The following EXOC4 variants were observed in gnomAD, a reference collection of about 807,000 sequenced individuals.
EXOC4 encodes the protein SEC8-like 1.
EXOC4 carries 71 observed loss-of-function variants against 107.2 expected under a neutral mutation model. That is an observed-to-expected ratio of 0.66 (90% CI 0.55 to 0.81). The LOEUF (loss-of-function observed/expected upper bound fraction) is 0.81, where lower values mean the gene tolerates loss of function less well. Among genes scored for constraint, EXOC4 ranks in the 30% least tolerant of loss-of-function variants. The probability of loss-of-function intolerance (pLI) is 0.00; values close to 1 mark genes in which losing one functional copy is unlikely to be tolerated. For synonymous variants in EXOC4, 456 were observed against 441.2 expected (o/e 1.03, Z -0.42); for missense variants, 1,108 against 1,189.6 (o/e 0.93, Z 1.01).
intron 9 of EXOC4, among the ~76,000 whole-genome samples, chr7:133,565,142 C>T (rs1800882715): frequency 6.6e-6 from 1 of 152,148 alleles, no homozygotes; most frequent in Non-Finnish European, 1.5e-5. Context: ...TTCAGGGGAA[C>T]TGTAACCTAA....
At chr7:133,933,457 G>C (rs572716003) in intron 13 of EXOC4, among the ~76,000 whole-genome samples, 1 of 152,172 alleles carries the variant, frequency 6.6e-6, no homozygotes, top group Non-Finnish European at 1.5e-5. Context: ...GATCATCTTT[G>C]AGCAATTGCT....
chr7:133,659,000 C>CT (rs397890140), intron 10 of EXOC4, among the ~76,000 whole-genome samples: 12,490 of 40,218 alleles, frequency 0.31, 4,423 homozygotes, highest in Non-Finnish European at 0.35. Flanking sequence ...TTCAGAGAAG[C>CT]TTTTTTTTTT....
At chr7:133,764,419 T>C (rs1214284783) in intron 10 of EXOC4, among the ~76,000 whole-genome samples, 2 of 152,092 alleles carry the variant, frequency 1.3e-5, no homozygotes, top group Non-Finnish European at 2.9e-5. Context: ...TATTTTATGA[T>C]GGCGTCTCTG....
chr7:133,564,195 A>G (rs1278222967), intron 9 of EXOC4, among the ~76,000 whole-genome samples: 1 of 152,214 alleles, frequency 6.6e-6, no homozygotes, highest in Non-Finnish European at 1.5e-5. Context: ...GAAGCATAGC[A>G]GCTTCTGCTT....
At chr7:133,347,955 A>T (rs1177623894) in intron 5 of EXOC4, among the ~76,000 whole-genome samples, 1 of 152,196 alleles carries the variant, frequency 6.6e-6, no homozygotes, top group Non-Finnish European at 1.5e-5. Flanking sequence ...AAGTATTTCT[A>T]ATTTTAAAGT....
chr7:133,513,988 A>G (rs1376304778), intron 9 of EXOC4, among the ~76,000 whole-genome samples: 2 of 152,142 alleles, frequency 1.3e-5, no homozygotes, highest in African/African-American at 2.4e-5. Context: ...AGGGCGCTAT[A>G]TCATGCTTAT....
intron 7 of EXOC4, among the ~76,000 whole-genome samples, chr7:133,377,031 A>C (rs2150693381): frequency 6.6e-6 from 1 of 152,318 alleles, no homozygotes; most frequent in Admixed American, 6.5e-5. Flanking sequence ...AACCAGAATG[A>C]AAAAGTTGAT....
intron 17 of EXOC4, among the ~76,000 whole-genome samples, chr7:134,051,038 A>T (rs185959218): frequency 7.2e-4 from 109 of 152,280 alleles, no homozygotes; most frequent in African/African-American, 2.6e-3. Context: ...GGACCAAAAA[A>T]ATGAAGGAGA....
intron 5 of EXOC4, among the ~76,000 whole-genome samples, chr7:133,338,091 C>T (rs1416583686): frequency 2.7e-5 from 4 of 149,492 alleles, no homozygotes; most frequent in Admixed American, 6.6e-5. Flanking sequence ...TGTCTCATTA[C>T]TTTCTGCTTT....
intron 3 of EXOC4, among the ~76,000 whole-genome samples, chr7:133,299,547 G>T (rs1008937641): frequency 1.3e-5 from 2 of 152,132 alleles, no homozygotes; most frequent in South Asian, 4.1e-4. Context: ...TTAATAAAAT[G>T]GTATGCTTTT....
chr7:133,753,878 T>G (rs778385340), intron 10 of EXOC4, among the ~76,000 whole-genome samples: 2 of 152,272 alleles, frequency 1.3e-5, no homozygotes, highest in Non-Finnish European at 2.9e-5. Flanking sequence ...TAAGTCAAAA[T>G]GATTTGATCA....
At chr7:133,426,965 A>G (rs972211945) in intron 7 of EXOC4, among the ~76,000 whole-genome samples, 33 of 152,208 alleles carry the variant, frequency 2.2e-4, no homozygotes, top group Admixed American at 6.5e-4. Flanking sequence ...TTGGATTCAC[A>G]TTGAAAAGAT....
At chr7:133,459,270 G>A (rs1157121099) in intron 7 of EXOC4, among the ~76,000 whole-genome samples, 1 of 152,180 alleles carries the variant, frequency 6.6e-6, no homozygotes, top group Admixed American at 6.5e-5. Flanking sequence ...AGGTAGAGCT[G>A]TGGTGGTTTT....
chr7:134,066,371 G>A (rs10282224), downstream of EXOC4: 113,433 of 152,102 alleles, frequency 0.75, 42,732 homozygotes, highest in East Asian at 0.87. Flanking sequence ...AAGAAACATG[G>A]GTTTGGATTG....
At chr7:133,372,675 A>T (rs1584862611) in intron 6 of EXOC4, among the ~76,000 whole-genome samples, 2 of 152,166 alleles carry the variant, frequency 1.3e-5, no homozygotes, top group Non-Finnish European at 2.9e-5. Flanking sequence ...CCCTAACAAG[A>T]GGAGCCACTT....
At chr7:133,296,573 G>A (rs1034174337) in intron 3 of EXOC4, among the ~76,000 whole-genome samples, 3 of 151,956 alleles carry the variant, frequency 2.0e-5, no homozygotes, top group Non-Finnish European at 2.9e-5. Flanking sequence ...GAAGTGCAGG[G>A]GTTTGTGGTA....
At chr7:133,817,212 G>T in intron 10 of EXOC4, 113 bp from the exon 11 acceptor site, 1 of 679,148 alleles carries the variant, frequency 1.5e-6, no homozygotes. Context: ...TATTATTGAT[G>T]ACCTGCCCTC....
intron 9 of EXOC4, among the ~76,000 whole-genome samples, chr7:133,593,913 T>G (rs1320560622): frequency 6.6e-6 from 1 of 152,216 alleles, no homozygotes; most frequent in Non-Finnish European, 1.5e-5. Flanking sequence ...TTTTATGTAG[T>G]TATGTGACAA....
chr7:133,898,736 A>T, intron 12 of EXOC4, among the ~76,000 whole-genome samples: 1 of 125,008 alleles, frequency 8.0e-6, no homozygotes, highest in African/African-American at 3.2e-5. Context: ...ACAGAGCAAG[A>T]CTCTGTCTCA....
Sources: allele counts gnomAD v4.1 joint callset (sites outside exome capture counted in the v4.1 genomes callset), GRCh38; gene constraint gnomAD v4.1.1; transcripts MANE v1.5; gene names NCBI Gene and HGNC (gene_info 2026-07-23, HGNC 2026-07-21).